PRDM16: variants seen among roughly 807,000 people sequenced by gnomAD.
The protein encoded by PRDM16 is histone-lysine N-methyltransferase PRDM16.
Under a neutral mutation model 110.6 loss-of-function variants are expected in PRDM16, and 23 were observed. The ratio of observed to expected loss-of-function variants is 0.21; its 90% CI spans 0.15 to 0.29. PRDM16 has a LOEUF of 0.29. PRDM16 is among the 10% of genes least tolerant of loss of function. The pLI is 1.00. For synonymous variants in PRDM16, 799 were observed against 781.8 expected (o/e 1.02, Z -0.37); for missense variants, 1,615 against 1,794.3 (o/e 0.90, Z 1.81).
At chr1:3,137,344 G>C (rs1246450586) in intron 1 of PRDM16, among the ~76,000 whole-genome samples, 1 of 152,264 alleles carries the variant, frequency 6.6e-6, no homozygotes, top group Admixed American at 6.5e-5. Flanking sequence ...GTCACTCGGA[G>C]CAAGGAATGT....
At chr1:3,235,672 C>T (rs1178830075) in intron 2 of PRDM16, among the ~76,000 whole-genome samples, 1 of 152,222 alleles carries the variant, frequency 6.6e-6, no homozygotes, top group Non-Finnish European at 1.5e-5. Context: ...AGCCCAGGAA[C>T]AACAGGCCTT....
At chr1:3,389,258 C>G (rs904789671) in intron 4 of PRDM16, among the ~76,000 whole-genome samples, 4 of 152,202 alleles carry the variant, frequency 2.6e-5, no homozygotes, top group Non-Finnish European at 4.4e-5. Flanking sequence ...GCCCTGCCGC[C>G]TCGCAGTGCC....
In PRDM16 at chr1:3,107,413, C is replaced by T. The variant is rs566239815; in HGVS notation, c.37+38117C>T. Among the ~76,000 whole-genome samples the T allele has an allele frequency of 2.0e-4, 30 of 152,248 alleles. No homozygotes were observed. The South Asian group carries it at 3.9e-3, about 20-fold the overall frequency. On this transcript the variant is annotated intron_variant, in intron 1 of 16. Coordinates refer to ENST00000270722, the MANE Select transcript of PRDM16 (RefSeq NM_022114.4). ...AGTGTGAAGCTTAGGGAGGGATTAC[C>T]GGGCTCGGGATTTGGAAGCCAGCAG...
chr1:3,099,950 G>A (rs1642493602), intron 1 of PRDM16, among the ~76,000 whole-genome samples: 1 of 152,110 alleles, frequency 6.6e-6, no homozygotes, highest in African/African-American at 2.4e-5. Context: ...TCGGTGGCAA[G>A]CAAGGGCTGC....
At chr1:3,388,337 A>G (rs1449918834) in intron 4 of PRDM16, among the ~76,000 whole-genome samples, 1 of 151,994 alleles carries the variant, frequency 6.6e-6, no homozygotes, top group East Asian at 1.9e-4. Context: ...GATTGCACAC[A>G]CACCCCCACC....
rs1014574894 is a variant in PRDM16, at chr1:3,413,732, C to A, written c.2604-828C>A. Among the ~76,000 whole-genome samples, 8 of 152,264 alleles carry A rather than the reference C, an allele frequency of 5.3e-5. No individual in the cohort carries two copies. The East Asian group carries it at 1.5e-3, about 29-fold the overall frequency. On this transcript the variant is annotated intron_variant, in intron 9 of 16. Coordinates refer to ENST00000270722, the MANE Select transcript of PRDM16 (RefSeq NM_022114.4). ...ATGGGAAAGAGGCTCCCAAATCTAA[C>A]CCTCACTATGGGAACCCAGGCAGAC...
At chr1:3,210,717 C>G (rs982307842) in intron 2 of PRDM16, among the ~76,000 whole-genome samples, 26 of 152,344 alleles carry the variant, frequency 1.7e-4, no homozygotes, top group African/African-American at 5.8e-4. Context: ...TATTCATTCA[C>G]AAGATATACA....
chr1:3,403,467 G>A (rs2483219), intron 6 of PRDM16, among the ~76,000 whole-genome samples: 13,529 of 152,332 alleles, frequency 0.089, 631 homozygotes, highest in Middle Eastern at 0.12. Context: ...CCGGACACAC[G>A]AGCAGCTCCT....
intron 1 of PRDM16, among the ~76,000 whole-genome samples, chr1:3,182,148 CTCT>C (rs1307938269): frequency 6.6e-6 from 1 of 152,228 alleles, no homozygotes. Context: ...CTCATGGCTT[CTCT>C]TTAAAACCAC....
rs887419928 is a variant in PRDM16 at position 3,081,477 on chromosome 1, G to C, written c.37+12181G>C. ...CCAGACCGAGCTGTGGCCGTGTGAG[G>C]AGCAGGGCTGAGGTGGGGAGAACGC... On this transcript the variant is annotated intron_variant, in intron 1 of 16. Coordinates refer to ENST00000270722, the MANE Select transcript of PRDM16 (RefSeq NM_022114.4). This position sits in a 1 kb window ranked among gnomAD's most constrained non-coding sequence, Gnocchi z 4.6. 1.2e-4 allele frequency among the ~76,000 whole-genome samples: 19 copies of C among 152,310 alleles called. No homozygotes were observed. The highest frequency in any genetic ancestry group is 3.3e-4 in the Admixed American group (5 of 15,306).
At chr1:3,090,950 C>T (rs749824732) in intron 1 of PRDM16, among the ~76,000 whole-genome samples, 80 of 152,324 alleles carry the variant, frequency 5.3e-4, no homozygotes, top group East Asian at 2.1e-3. Context: ...TGGGGAGCCA[C>T]GAACGAGAAG....
At chr1:3,078,692 A>C (rs539671431) in intron 1 of PRDM16, among the ~76,000 whole-genome samples, 5 of 152,346 alleles carry the variant, frequency 3.3e-5, no homozygotes, top group Non-Finnish European at 7.3e-5. Context: ...GACACTGCCA[A>C]CGTTTTAGCG....
Position 3,201,742 on chromosome 1 carries a change from G to A in PRDM16, c.387+15268G>A, listed in dbSNP as rs533413751. On this transcript the variant is annotated intron_variant, in intron 2 of 16. Transcript: ENST00000270722. This position sits in a 1 kb window ranked among gnomAD's most constrained non-coding sequence, Gnocchi z 4.1. ...GGTGACACATTCTTCAGCTGGAGCCGAGTAGGGTCGTGTCTGCCCCGCTTC... is the reference window on the plus strand; with the variant it reads ...GGTGACACATTCTTCAGCTGGAGCCAAGTAGGGTCGTGTCTGCCCCGCTTC... Among the ~76,000 whole-genome samples the A allele has an allele frequency of 1.9e-4, 29 of 152,330 alleles. 1 individual carries two copies. The South Asian group carries it at 4.2e-3, about 22-fold the overall frequency.
intron 1 of PRDM16, among the ~76,000 whole-genome samples, chr1:3,071,213 G>C (rs1016302470): frequency 6.6e-6 from 1 of 152,258 alleles, no homozygotes; most frequent in African/African-American, 2.4e-5. Flanking sequence ...CGGACTCGGC[G>C]CACCCGCGCG....
At chr1:3,221,251 G>A (rs1184110484) in intron 2 of PRDM16, among the ~76,000 whole-genome samples, 1 of 152,260 alleles carries the variant, frequency 6.6e-6, no homozygotes, top group Non-Finnish European at 1.5e-5. Flanking sequence ...TCTAGACTAA[G>A]AGAGCAGAAG....
intron 1 of PRDM16, among the ~76,000 whole-genome samples, chr1:3,166,418 A>G (rs1643957438): frequency 6.6e-6 from 1 of 152,232 alleles, no homozygotes; most frequent in African/African-American, 2.4e-5. Flanking sequence ...AAGGAGAGCC[A>G]AACGCTGAGG....
chr1:3,329,041 G>GCCTTCTCCCTGGGCC (rs70938086), intron 3 of PRDM16, among the ~76,000 whole-genome samples: 32,851 of 151,922 alleles, frequency 0.22, 4,517 homozygotes, highest in Middle Eastern at 0.37. Context: ...AGGAATGGGC[G>GCCTTCTCCCTGGGCC]CCTTCTCCCT....
chr1:3,239,425 A>G (rs1366628735), intron 2 of PRDM16, among the ~76,000 whole-genome samples: 1 of 151,934 alleles, frequency 6.6e-6, no homozygotes, highest in African/African-American at 2.4e-5. Context: ...CCCAGCAGTG[A>G]GCAGAGTGAG....
chr1:3,216,071 G>A (rs1235381245), intron 2 of PRDM16, among the ~76,000 whole-genome samples: 2 of 152,162 alleles, frequency 1.3e-5, no homozygotes, highest in African/African-American at 4.8e-5. Context: ...GAAAACCCAA[G>A]TGTATGATGC....
Sources: gnomAD v4.1 joint callset for allele counts (sites outside exome capture counted in the v4.1 genomes callset) on GRCh38, gnomAD v4.1.1 for gene constraint, Gnocchi (gnomAD v3.1) non-coding constraint, MANE v1.5 for transcripts, NCBI Gene and HGNC (gene_info 2026-07-23, HGNC 2026-07-21) for gene names.